GUCY2F: variants seen among roughly 807,000 people sequenced by gnomAD.
GUCY2F encodes guanylate cyclase 2F, retinal.
GUCY2F carries 61 observed loss-of-function variants against 73.1 expected under a neutral mutation model. The ratio of observed to expected loss-of-function variants is 0.83; its 90% CI spans 0.68 to 1.03. GUCY2F has a LOEUF of 1.03. Among genes scored for constraint, GUCY2F ranks in the 50% least tolerant of loss-of-function variants. The pLI is 0.00. For synonymous variants in GUCY2F, 331 were observed against 307.8 expected (o/e 1.08, Z -0.79); for missense variants, 912 against 854.3 (o/e 1.07, Z -0.84).
rs1488585702 is a variant in GUCY2F, at chrX:109,398,579, G to T, written c.2245C>A (p.Pro749Thr). The T allele has an allele frequency of 9.9e-6, 12 of 1,208,965 alleles. No homozygotes were observed. Among genetic ancestry groups the T allele is most frequent in the Non-Finnish European group, 1.1e-5 (10 of 893,530 alleles). Residue 749 changes from proline to threonine, a missense_variant, in exon 11 of 20, where the codon CCA becomes ACA. Coordinates refer to ENST00000218006, the MANE Select transcript of GUCY2F (RefSeq NM_001522.3). ...GCTGGCAGATCCATCATGCAGAATG[G>T]GGTACCCCGGACCATCACTTCTTGC... The part of the protein sequence containing the change: ...IMQEVMVRGT[P>T]FCMMDLPAQE...
intron 17 of GUCY2F, among the ~76,000 whole-genome samples, chrX:109,379,206 G>A (rs1281427253): frequency 2.7e-5 from 3 of 112,089 alleles, no homozygotes; most frequent in Non-Finnish European, 5.6e-5. Flanking sequence ...GTAGAATGGT[G>A]GTTACAGAAG....
chrX:109,425,984 A>G (rs1249178518), intron 8 of GUCY2F, among the ~76,000 whole-genome samples: 3 of 111,272 alleles, frequency 2.7e-5, no homozygotes, highest in Non-Finnish European at 5.6e-5. Context: ...TGAATTAACC[A>G]ATGAAGTATA....
At chrX:109,477,543 G>A (rs966877719) in intron 1 of GUCY2F, among the ~76,000 whole-genome samples, 6 of 112,195 alleles carry the variant, frequency 5.3e-5, no homozygotes, top group Non-Finnish European at 1.1e-4. Flanking sequence ...TTGATAGAGG[G>A]TAATTTAAAA....
intron 9 of GUCY2F, 26 bp downstream of exon 9, chrX:109,408,966 A>ATG: frequency 1.2e-6 from 1 of 853,032 alleles, no homozygotes; most frequent in Non-Finnish European, 1.7e-6. Context: ...GAGAAAATCC[A>ATG]AGATTTCCTC....
In GUCY2F at chrX:109,410,463, GA is replaced by G. The variant is rs1453784202; in HGVS notation, c.1792-1296del. 2.7e-5 allele frequency among the ~76,000 whole-genome samples: 3 copies of G among 112,229 alleles called. No individual in the cohort carries two copies. The East Asian group carries it at 8.4e-4, about 31-fold the overall frequency. On this transcript the variant is annotated intron_variant, in intron 8 of 19. Coordinates refer to ENST00000218006, the MANE Select transcript of GUCY2F (RefSeq NM_001522.3). Reference sequence around the variant, plus strand: ...GCCAGAGCTTATACAATTTTTTTCAGAAGAAACATTTAGAATTTTGGCCACA... The same window carrying G: ...GCCAGAGCTTATACAATTTTTTTCAGAGAAACATTTAGAATTTTGGCCACA...
intron 8 of GUCY2F, 27 bp downstream of exon 8, chrX:109,430,280 A>T: frequency 1.3e-6 from 1 of 765,690 alleles, no homozygotes. Flanking sequence ...TTTAGTGGGA[A>T]TTTACATAAA....
chrX:109,374,550 G>C (rs751824182), intron 19 of GUCY2F, among the ~76,000 whole-genome samples: 4 of 111,654 alleles, frequency 3.6e-5, no homozygotes, highest in Non-Finnish European at 7.5e-5. Context: ...ATGGATTCTT[G>C]TACAGTGCCT....
rs1255467662 is a variant in GUCY2F, at chrX:109,395,401, C to T, written c.2364G>A (p.Met788Ile). The T allele has an allele frequency of 8.3e-7, 1 of 1,203,495 alleles. No homozygotes were observed. The highest frequency in any genetic ancestry group is 2.2e-5 in the Admixed American group (1 of 46,067). ...EHAPPECLQL[M>I]KQCWAEAAEQ... ...CTGCAGCCTCAGCCCAGCACTGCTT[C>T]ATCAGCTGGAGACATTCTGGAGGGG... The change falls in exon 12 of 20, where the codon ATG becomes ATA. Residue 788 changes from methionine (M) to isoleucine (I), a missense_variant. Coordinates refer to ENST00000218006, the MANE Select transcript of GUCY2F (RefSeq NM_001522.3).
At chrX:109,405,674 A>T (rs1930955590) in intron 9 of GUCY2F, among the ~76,000 whole-genome samples, 1 of 111,665 alleles carries the variant, frequency 9.0e-6, no homozygotes. Context: ...TAGAGTCTAC[A>T]GTGGGCAAGA....
In GUCY2F at chrX:109,436,051, T is replaced by C. The variant is rs151291245; in HGVS notation, c.1701+5300A>G. On this transcript the variant is annotated intron_variant, in intron 7 of 19. Coordinates refer to ENST00000218006, the MANE Select transcript of GUCY2F (RefSeq NM_001522.3). ...TTGCCAGCATCTGACAAAGGGCTAA[T>C]ATCCAGAATCTACAATGAACTCAAA... is the stretch of plus-strand genomic sequence containing the variant. 7.9e-3 allele frequency among the ~76,000 whole-genome samples: 882 copies of C among 111,391 alleles called. 7 individuals are homozygous for C. The highest frequency in any genetic ancestry group is 0.015 in the South Asian group (39 of 2,612).
At chrX:109,460,934 T>C (rs1434003850) in intron 3 of GUCY2F, among the ~76,000 whole-genome samples, 3 of 111,719 alleles carry the variant, frequency 2.7e-5, no homozygotes, top group Non-Finnish European at 5.7e-5. Flanking sequence ...GGTAAACAAA[T>C]TAAAAATTGA....
Position 109,438,562 on chromosome X carries a change from A to G in GUCY2F, c.1701+2789T>C, listed in dbSNP as rs561420470. ...AATTCCAAAATCCAACAAAACAAAC[A>G]ACATTAAGTCTTAAGTCTTGAGAGT... On this transcript the variant is annotated intron_variant, in intron 7 of 19. Transcript: ENST00000218006. 3.5e-4 allele frequency among the ~76,000 whole-genome samples: 40 copies of G among 113,100 alleles called. No individual in the cohort carries two copies. In the South Asian group the frequency reaches 0.014, roughly 40 times the overall value.
Position 109,453,820 on chromosome X carries a change from A to G in GUCY2F, c.1072T>C (p.Phe358Leu). 8.4e-7 allele frequency: 1 copy of G among 1,194,344 alleles called. No homozygotes were observed. The highest frequency in any genetic ancestry group is 1.1e-6 in the Non-Finnish European group (1 of 883,417). ...LFGTIYNSIY[F>L]IAQAMNNAMK... ...GCATTATTCATGGCTTGTGCGATAA[A>G]GTAAATTGAATTGTAGATGGTTCCA... Residue 358 changes from phenylalanine to leucine, a missense_variant, in exon 4 of 20, where the codon TTT becomes CTT. Phe to Leu is a conservative substitution (Grantham distance 22, BLOSUM62 0). Transcript: ENST00000218006.
chrX:109,388,601 C>A lies in GUCY2F; in HGVS notation c.2844G>T (p.Arg948Ser). 1.7e-6 allele frequency: 2 copies of A among 1,200,092 alleles called. No individual in the cohort carries two copies. The highest frequency in any genetic ancestry group is 2.3e-6 in the Non-Finnish European group (2 of 885,292). ...ASGLPKRNGS[R>S]HAAEIANMSL... is the part of the protein sequence containing the mutation. ...ACATGTTTGCAATCTCAGCTGCATGCCTACTGCCATTCCTCTTTGGGAGGC... is the reference window on the plus strand; with the variant it reads ...ACATGTTTGCAATCTCAGCTGCATGACTACTGCCATTCCTCTTTGGGAGGC... The change falls in exon 15 of 20, where the codon AGG becomes AGT. Residue 948 changes from arginine to serine, a missense_variant. Arg to Ser is a moderately radical substitution (Grantham distance 110, BLOSUM62 -1). Coordinates refer to ENST00000218006, the MANE Select transcript of GUCY2F (RefSeq NM_001522.3).
chrX:109,416,933 C>CAAAAAAA lies in GUCY2F; in HGVS notation c.1792-7772_1792-7766dup, dbSNP rs367707786. ...ACTTCTCATCAGAAACAAAGAAATG[C>CAAAAAAA]AAAAAAAAAAAAAAACCAATGAAAC... is the stretch of plus-strand genomic sequence containing the variant. On this transcript the variant is annotated intron_variant, in intron 8 of 19. Transcript: ENST00000218006. Among the ~76,000 whole-genome samples the CAAAAAAA allele has an allele frequency of 3.3e-3, 190 of 57,549 alleles. 1 individual carries two copies. Among genetic ancestry groups the CAAAAAAA allele is most frequent in the Middle Eastern group, 9.9e-3 (1 of 101 alleles). The allele number at this position is 57,549 out of a possible 115,157, so 50.0% of individuals were successfully genotyped here. A position where few individuals can be genotyped will look rare whatever the true frequency, so the allele number is the denominator to read the frequency against.
chrX:109,452,110 G>A lies in GUCY2F; in HGVS notation c.1388-3C>T. On this transcript the variant is annotated splice_polypyrimidine_tract_variant and splice_region_variant and intron_variant, in intron 4 of 19. Transcript: ENST00000218006. ...CATGGCAAAGGCAGGGTCGATGCCT[G>A]CAGAGAGTGAGAGGAAGAGGAAGAA... 1 of 1,026,710 alleles carries A rather than the reference G, an allele frequency of 9.7e-7. No individual in the cohort carries two copies. Among genetic ancestry groups the A allele is most frequent in the Non-Finnish European group, 1.4e-6 (1 of 726,796 alleles). 84.6% of individuals were successfully genotyped at this position (1,026,710 alleles called of 1,213,427 possible).
chrX:109,395,389 C>T lies in GUCY2F; in HGVS notation c.2376G>A (p.Trp792Ter). ...PECLQLMKQC[W>*]AEAAEQRPTF... ...TTGGTCGTTGTTCTGCAGCCTCAGC[C>T]CAGCACTGCTTCATCAGCTGGAGAC... Residue 792 changes from tryptophan (W) to a stop codon, truncating the protein, a stop_gained, in exon 12 of 20, where the codon TGG becomes TGA. Transcript: ENST00000218006. LOFTEE classifies it high-confidence loss of function. The T allele has an allele frequency of 8.3e-7, 1 of 1,206,226 alleles. No homozygotes were observed. Among genetic ancestry groups the T allele is most frequent in the Non-Finnish European group, 1.1e-6 (1 of 890,421 alleles).
chrX:109,404,547 A>AT, intron 9 of GUCY2F, 63 bp from the exon 10 acceptor site: 1 of 769,786 alleles, frequency 1.3e-6, no homozygotes, highest in Non-Finnish European at 1.9e-6. Flanking sequence ...TTTTAACACC[A>AT]ATTTCTGAGA....
intron 5 of GUCY2F, among the ~76,000 whole-genome samples, chrX:109,450,217 A>C (rs1932107793): frequency 9.0e-6 from 1 of 111,074 alleles, no homozygotes; most frequent in Non-Finnish European, 1.9e-5. Context: ...TTCCTCTCTA[A>C]TCATGTCCCT....
Sources: allele counts gnomAD v4.1 joint callset (sites outside exome capture counted in the v4.1 genomes callset), GRCh38; gene constraint gnomAD v4.1.1; transcripts MANE v1.5; gene names NCBI Gene and HGNC (gene_info 2026-07-23, HGNC 2026-07-21).